The following ASIC5 variants were observed in gnomAD, a reference collection of about 807,000 sequenced individuals.
The protein encoded by ASIC5 is bile acid-sensitive ion channel.
Under a neutral mutation model 51.2 loss-of-function variants are expected in ASIC5, and 52 were observed. That is an observed-to-expected ratio of 1.02 (90% confidence interval 0.81 to 1.28). The LOEUF is 1.28. ASIC5 is among the 50% of genes most tolerant of loss of function. The probability of loss-of-function intolerance (pLI) is 0.00; values close to 1 mark genes in which losing one functional copy is unlikely to be tolerated. For missense variants in ASIC5, 635 were observed against 595.0 expected (o/e 1.07, Z -0.70); for synonymous variants, 231 against 200.7 (o/e 1.15, Z -1.28).
intron 2 of ASIC5, among the ~76,000 whole-genome samples, chr4:155,860,158 C>T (rs1014915489): frequency 6.6e-6 from 1 of 151,714 alleles, no homozygotes; most frequent in Non-Finnish European, 1.5e-5. Flanking sequence ...GTATTTTAGT[C>T]AATAAAGCAG....
At chr4:155,830,156 G>C (rs1740843180) in intron 9 of ASIC5, 110 bp from the exon 10 acceptor site, 5 of 671,408 alleles carry the variant, frequency 7.4e-6, no homozygotes, top group Non-Finnish European at 1.2e-5. Flanking sequence ...GATGAAGATT[G>C]GTTAATTTTA....
chr4:155,863,107 C>G, intron 2 of ASIC5, among the ~76,000 whole-genome samples: 1 of 152,068 alleles, frequency 6.6e-6, no homozygotes, highest in East Asian at 1.9e-4. Context: ...CTTTGGGAGG[C>G]TGAGGCAGGT....
intron 8 of ASIC5, among the ~76,000 whole-genome samples, chr4:155,836,174 A>G (rs967388657): frequency 6.6e-6 from 1 of 152,224 alleles, no homozygotes; most frequent in Admixed American, 6.5e-5. Flanking sequence ...GGAATCATGT[A>G]TCTGAGTTGC....
At chr4:155,858,818 G>T (rs1252542482) in intron 2 of ASIC5, 1 of 152,006 alleles carries the variant, frequency 6.6e-6, no homozygotes, top group East Asian at 1.9e-4. Context: ...GTGTTTGTCT[G>T]GTGCTCAGTG....
intron 2 of ASIC5, among the ~76,000 whole-genome samples, chr4:155,858,555 T>C (rs991419499): frequency 3.3e-5 from 5 of 152,070 alleles, no homozygotes; most frequent in Admixed American, 1.3e-4. Flanking sequence ...AGGTTTATTT[T>C]GCTAAGGTTG....
chr4:155,845,320 A>G (rs761149005), intron 4 of ASIC5, among the ~76,000 whole-genome samples: 14 of 149,970 alleles, frequency 9.3e-5, no homozygotes, highest in South Asian at 8.5e-4. Flanking sequence ...GCATGTGTGC[A>G]TGTTTGTATT....
At chr4:155,860,480 A>G (rs574046290) in intron 2 of ASIC5, among the ~76,000 whole-genome samples, 42 of 151,992 alleles carry the variant, frequency 2.8e-4, no homozygotes, top group African/African-American at 1.0e-3. Context: ...TCTGTCATTA[A>G]TTTGCTGAGC....
intron 6 of ASIC5, among the ~76,000 whole-genome samples, chr4:155,841,784 C>G (rs927875349): frequency 6.6e-6 from 1 of 152,054 alleles, no homozygotes; most frequent in Non-Finnish European, 1.5e-5. Flanking sequence ...ACCCTGATAT[C>G]GCAATTTTCT....
At chr4:155,858,355 C>G (rs1007407342) in intron 2 of ASIC5, among the ~76,000 whole-genome samples, 2 of 152,008 alleles carry the variant, frequency 1.3e-5, no homozygotes, top group Non-Finnish European at 2.9e-5. Context: ...AATAAGTATT[C>G]TTTAATCAAT....
chr4:155,853,155 A>C (rs1242500589), intron 3 of ASIC5, among the ~76,000 whole-genome samples: 3 of 152,064 alleles, frequency 2.0e-5, no homozygotes, highest in Non-Finnish European at 2.9e-5. Flanking sequence ...ATTCTCTAAC[A>C]TGAAATTTTT....
chr4:155,858,045 C>T (rs981314766), intron 2 of ASIC5, among the ~76,000 whole-genome samples: 3 of 152,002 alleles, frequency 2.0e-5, no homozygotes, highest in African/African-American at 7.2e-5. Context: ...GTCACTACAT[C>T]CAATTATTAT....
At chr4:155,845,852 C>A (rs557896293) in intron 4 of ASIC5, among the ~76,000 whole-genome samples, 20 of 151,988 alleles carry the variant, frequency 1.3e-4, no homozygotes, top group South Asian at 1.0e-3. Flanking sequence ...CTATAATAAG[C>A]AAATTTAAGG....
chr4:155,860,785 C>G (rs1560753658), intron 2 of ASIC5, among the ~76,000 whole-genome samples: 1 of 151,730 alleles, frequency 6.6e-6, no homozygotes, highest in Non-Finnish European at 1.5e-5. Context: ...GAGATTTGAG[C>G]TATGCAAAAT....
intron 3 of ASIC5, among the ~76,000 whole-genome samples, chr4:155,853,611 TATAATATATAATATATAATA>T (rs1741446114): frequency 1.5e-3 from 11 of 7,328 alleles, no homozygotes; most frequent in Admixed American, 0.014. Context: ...AGTTATTATA[TATAATATATAATATATAATA>T]ATAATATATA....
intron 3 of ASIC5, among the ~76,000 whole-genome samples, chr4:155,853,000 TAA>T (rs1258685510): frequency 2.0e-5 from 3 of 152,028 alleles, no homozygotes; most frequent in Non-Finnish European, 4.4e-5. Flanking sequence ...GTCAGAATCT[TAA>T]AGACAGTCTT....
At chr4:155,830,620 A>AT (rs35734516) in intron 9 of ASIC5, among the ~76,000 whole-genome samples, 1 of 152,152 alleles carries the variant, frequency 6.6e-6, no homozygotes, top group South Asian at 2.1e-4. Flanking sequence ...CATGTTAACC[A>AT]TTTTTAAGTA....
At position 155,829,759 on chromosome 4, in the gene ASIC5, G is replaced by A. The variant is rs373599689; in HGVS notation, c.*97C>T. 1.3e-4 allele frequency: 91 copies of A among 691,422 alleles called. No individual in the cohort carries two copies. In the East Asian group the frequency reaches 2.3e-3, roughly 17 times the overall value. 42.8% of individuals were successfully genotyped at this position (691,422 alleles called of 1,614,324 possible). A position where few individuals can be genotyped will look rare whatever the true frequency, so the allele number is the denominator to read the frequency against. On this transcript the variant is annotated 3_prime_UTR_variant, in exon 10 of 10. Coordinates refer to ENST00000537611, the MANE Select transcript of ASIC5 (RefSeq NM_017419.3). ...ATACATATCTTTAATGGCTTTTATC[G>A]AACTCTCAAAACTATAGAAAAGTGA...
intron 6 of ASIC5, among the ~76,000 whole-genome samples, chr4:155,839,656 C>A (rs553958289): frequency 6.6e-6 from 1 of 151,694 alleles, no homozygotes. Flanking sequence ...TTACAACGTG[C>A]GGACAATTTG....
chr4:155,863,226 T>C (rs1560755305), intron 2 of ASIC5, among the ~76,000 whole-genome samples: 1 of 151,976 alleles, frequency 6.6e-6, no homozygotes, highest in Non-Finnish European at 1.5e-5. Context: ...TAGAATATGA[T>C]TGTGGAAGGA....
Sources: gnomAD v4.1 joint callset for allele counts (sites outside exome capture counted in the v4.1 genomes callset) on GRCh38, gnomAD v4.1.1 for gene constraint, MANE v1.5 for transcripts, NCBI Gene and HGNC (gene_info 2026-07-23, HGNC 2026-07-21) for gene names.